SLC25A48: variants seen among roughly 807,000 people sequenced by gnomAD.
SLC25A48 encodes CTC-321K16.1.
Under a neutral mutation model 32.2 loss-of-function variants are expected in SLC25A48, and 29 were observed. The observed-to-expected ratio is 0.90, with a 90% confidence interval of 0.67 to 1.23. The LOEUF (loss-of-function observed/expected upper bound fraction) is 1.23. Ranked by LOEUF, SLC25A48 falls within the 50% of genes most tolerant of loss-of-function variation. SLC25A48 has a pLI of 0.00. For missense variants in SLC25A48, 399 were observed against 422.7 expected (o/e 0.94, Z 0.49); for synonymous variants, 164 against 172.3 (o/e 0.95, Z 0.38).
At position 135,880,209 on chromosome 5, in the gene SLC25A48, A is replaced by G. The variant is rs1762366473; in HGVS notation, c.*7+112A>G. On this transcript the variant is annotated intron_variant, in intron 7 of 7. Transcript: ENST00000681962. ...TGAAATGTCCTGTTGTTTGTCACAT[A>G]TCTAATCTGTGGTAGGCTGGGGCTG... The G allele has an allele frequency of 4.3e-6, 6 of 1,409,748 alleles. No individual in the cohort carries two copies. The African/African-American group carries it at 7.3e-5, about 17-fold the overall frequency. 87.3% of individuals were successfully genotyped at this position (1,409,748 alleles called of 1,614,324 possible). A position where few individuals can be genotyped will look rare whatever the true frequency, so the allele number is the denominator to read the frequency against.
chr5:135,720,596 T>C (rs1176758638), intron 3 of SLC25A48, among the ~76,000 whole-genome samples: 1 of 152,152 alleles, frequency 6.6e-6, no homozygotes, highest in Admixed American at 6.5e-5. Flanking sequence ...TTCCCCAGAA[T>C]GGGTTGATGC....
intron 3 of SLC25A48, among the ~76,000 whole-genome samples, chr5:135,750,699 A>T (rs1366916154): frequency 6.6e-6 from 1 of 152,070 alleles, no homozygotes; most frequent in Non-Finnish European, 1.5e-5. Context: ...CTGCGCCCCC[A>T]GGTGGTAGAC....
chr5:135,695,199 A>G (rs1165920468), intron 3 of SLC25A48, among the ~76,000 whole-genome samples: 2 of 152,134 alleles, frequency 1.3e-5, no homozygotes, highest in South Asian at 2.1e-4. Context: ...CTCTTCAGAG[A>G]CTGTCCCTGT....
chr5:135,804,749 T>A (rs1302052469), intron 3 of SLC25A48, among the ~76,000 whole-genome samples: 4 of 151,662 alleles, frequency 2.6e-5, no homozygotes, highest in Non-Finnish European at 5.9e-5. Context: ...ACAGTGAGTG[T>A]ACATCATAAG....
At chr5:135,586,900 C>T (rs553930445) in intron 1 of SLC25A48, among the ~76,000 whole-genome samples, 3 of 152,200 alleles carry the variant, frequency 2.0e-5, no homozygotes, top group South Asian at 2.1e-4. Context: ...TTGTGTGATT[C>T]GGTTTTGCCT....
chr5:135,643,099 C>T (rs1752878483), intron 3 of SLC25A48, among the ~76,000 whole-genome samples: 1 of 152,212 alleles, frequency 6.6e-6, no homozygotes, highest in Non-Finnish European at 1.5e-5. Flanking sequence ...CAGCCCCCAA[C>T]ATGTATGTCA....
intron 4 of SLC25A48, among the ~76,000 whole-genome samples, chr5:135,866,553 G>A (rs1277642528): frequency 6.6e-6 from 1 of 152,180 alleles, no homozygotes; most frequent in Non-Finnish European, 1.5e-5. Flanking sequence ...AGAGATGGCT[G>A]TATTGGTACC....
At chr5:135,674,333 A>C (rs1753721728) in intron 3 of SLC25A48, among the ~76,000 whole-genome samples, 1 of 151,956 alleles carries the variant, frequency 6.6e-6, no homozygotes, top group South Asian at 2.1e-4. Context: ...TTTGTTAACT[A>C]TAGTTACCTT....
At chr5:135,733,956 G>A (rs967940760) in intron 3 of SLC25A48, among the ~76,000 whole-genome samples, 1 of 152,122 alleles carries the variant, frequency 6.6e-6, no homozygotes, top group Non-Finnish European at 1.5e-5. Context: ...TGGTTGATAA[G>A]GCGCAGATCC....
intron 3 of SLC25A48, among the ~76,000 whole-genome samples, chr5:135,652,023 A>G (rs1753126312): frequency 6.6e-6 from 1 of 152,270 alleles, no homozygotes; most frequent in South Asian, 2.1e-4. Context: ...AGACAAAATA[A>G]CATGCTCAGA....
chr5:135,597,746 A>G (rs1048650185), intron 1 of SLC25A48, among the ~76,000 whole-genome samples: 20 of 152,182 alleles, frequency 1.3e-4, no homozygotes, highest in African/African-American at 4.8e-4. Context: ...GCTCACGCCT[A>G]TAACACTAGT....
At chr5:135,738,938 C>G (rs1346183393) in intron 3 of SLC25A48, among the ~76,000 whole-genome samples, 3 of 152,102 alleles carry the variant, frequency 2.0e-5, no homozygotes. Flanking sequence ...AAAAATTAGC[C>G]AGGCATGGTG....
At chr5:135,859,389 AC>A (rs1215995134) in intron 4 of SLC25A48, among the ~76,000 whole-genome samples, 1 of 151,640 alleles carries the variant, frequency 6.6e-6, no homozygotes, top group African/African-American at 2.4e-5. Flanking sequence ...GAAAGACCCC[AC>A]CCCCATGATT....
At chr5:135,789,583 G>T (rs1333141943) in intron 3 of SLC25A48, among the ~76,000 whole-genome samples, 1 of 151,604 alleles carries the variant, frequency 6.6e-6, no homozygotes, top group African/African-American at 2.4e-5. Flanking sequence ...GATATGGTTT[G>T]TAATATCCAG....
chr5:135,781,234 A>T (rs1756709682), intron 3 of SLC25A48, among the ~76,000 whole-genome samples: 1 of 116,604 alleles, frequency 8.6e-6, no homozygotes, highest in African/African-American at 2.6e-5. Context: ...TGTTTCTAAT[A>T]TCCAGGCGGG....
chr5:135,752,515 C>A (rs866710410), intron 3 of SLC25A48, among the ~76,000 whole-genome samples: 14 of 150,834 alleles, frequency 9.3e-5, no homozygotes, highest in African/African-American at 3.4e-4. Flanking sequence ...GTAATATCTT[C>A]CCATGATATT....
intron 3 of SLC25A48, among the ~76,000 whole-genome samples, chr5:135,677,560 G>T (rs1753801053): frequency 6.6e-6 from 1 of 151,830 alleles, no homozygotes; most frequent in Admixed American, 6.6e-5. Flanking sequence ...GATTTTCTGT[G>T]GTGGTACCAT....
intron 3 of SLC25A48, among the ~76,000 whole-genome samples, chr5:135,801,235 A>G (rs912869022): frequency 6.7e-6 from 1 of 150,258 alleles, no homozygotes; most frequent in East Asian, 2.0e-4. Context: ...CAAGGGGTGT[A>G]CACCCCCTGT....
chr5:135,717,239 G>T (rs1754823325), intron 3 of SLC25A48, among the ~76,000 whole-genome samples: 1 of 152,152 alleles, frequency 6.6e-6, no homozygotes, highest in Non-Finnish European at 1.5e-5. Context: ...CTGCCCACTG[G>T]TCCTCTTTCT....
Sources: gnomAD v4.1 joint callset for allele counts (sites outside exome capture counted in the v4.1 genomes callset) on GRCh38, gnomAD v4.1.1 for gene constraint, MANE v1.5 for transcripts, NCBI Gene and HGNC (gene_info 2026-07-23, HGNC 2026-07-21) for gene names.